Variants in PSMD1 observed in about 807,000 individuals in gnomAD.
PSMD1 encodes the protein 26S proteasome non-ATPase regulatory subunit 1.
In PSMD1, 18 loss-of-function variants were observed where a neutral mutation model predicts 119.0. The ratio of observed to expected loss-of-function variants is 0.15; its 90% CI spans 0.10 to 0.22. The LOEUF (loss-of-function observed/expected upper bound fraction) is 0.22, where lower values mean the gene tolerates loss of function less well. Among genes scored for constraint, PSMD1 ranks in the 10% least tolerant of loss-of-function variants. PSMD1 has a pLI of 1.00. For synonymous variants in PSMD1, 374 were observed against 396.6 expected, an observed-to-expected ratio of 0.94 and a Z score of 0.68; for missense variants, 702 against 1,158.5, an observed-to-expected ratio of 0.61 and a Z score of 5.72.
Position 231,083,601 on chromosome 2 carries a change from G to A in PSMD1, c.1560G>A (p.Met520Ile). 2 of 1,614,218 alleles carry A rather than the reference G, an allele frequency of 1.2e-6. No homozygotes were observed. Among genetic ancestry groups the A allele is most frequent in the Non-Finnish European group, 8.5e-7 (1 of 1,180,032 alleles). Reference sequence around the variant, plus strand: ...CTGGCCTGGCCCTAGGTTTGGTTATGTTGGGCTCTAAAAATGCTCAGGCTA... The same window carrying A: ...CTGGCCTGGCCCTAGGTTTGGTTATATTGGGCTCTAAAAATGCTCAGGCTA... ...EAAGLALGLV[M>I]LGSKNAQAIE... is the part of the protein sequence containing the mutation. Residue 520 changes from methionine to isoleucine, a missense_variant, in exon 14 of 25, where the codon ATG becomes ATA. By Grantham distance (10) the Met-to-Ile change is conservative (BLOSUM62 1). Transcript: ENST00000308696.
intron 16 of PSMD1, among the ~76,000 whole-genome samples, chr2:231,096,900 G>T (rs746059920): frequency 1.3e-5 from 2 of 152,214 alleles, no homozygotes; most frequent in Non-Finnish European, 2.9e-5. Flanking sequence ...ATGAGTTAGG[G>T]TGGAGCAGAT....
rs201933699 is a variant in PSMD1, at chr2:231,123,369, CAT to C, written c.1884-15365_1884-15364del. ...GAGTGTCCATTCTCTAATAGTATATCATAGTTCTGTGGTTTGATGGCACAAAC... is the reference window on the plus strand; with the variant it reads ...GAGTGTCCATTCTCTAATAGTATATCAGTTCTGTGGTTTGATGGCACAAAC... On this transcript the variant is annotated intron_variant, in intron 16 of 24. Coordinates refer to ENST00000308696, the MANE Select transcript of PSMD1 (RefSeq NM_002807.4). 2,172 of 1,340,210 alleles carry C rather than the reference CAT, an allele frequency of 1.6e-3. 35 individuals are homozygous for C. In the African/African-American group the frequency reaches 0.027, roughly 17 times the overall value. The allele number at this position is 1,340,210 out of a possible 1,614,324, so 83.0% of individuals were successfully genotyped here.
At chr2:231,125,963 T>A (rs1272823218) in intron 16 of PSMD1, among the ~76,000 whole-genome samples, 1 of 152,256 alleles carries the variant, frequency 6.6e-6, no homozygotes, top group Non-Finnish European at 1.5e-5. Context: ...GCTGAGCACT[T>A]CAGATTTTAT....
intron 16 of PSMD1, among the ~76,000 whole-genome samples, chr2:231,102,355 C>T (rs1329814783): frequency 2.0e-5 from 3 of 152,064 alleles, no homozygotes; most frequent in Non-Finnish European, 4.4e-5. Context: ...TTGAACAATA[C>T]GGGAGTTAGC....
At chr2:231,109,240 G>A (rs531633316) in intron 16 of PSMD1, 2 of 1,614,178 alleles carry the variant, frequency 1.2e-6, no homozygotes, top group East Asian at 2.2e-5. Flanking sequence ...GTAAAGCATG[G>A]ATAGTGAGAA....
chr2:231,144,960 CT>C (rs1696217910), intron 17 of PSMD1, among the ~76,000 whole-genome samples: 1 of 152,176 alleles, frequency 6.6e-6, no homozygotes, highest in Non-Finnish European at 1.5e-5. Flanking sequence ...CCCATTTTCT[CT>C]TAATTTTTTA....
intron 17 of PSMD1, among the ~76,000 whole-genome samples, chr2:231,145,729 C>G (rs937865469): frequency 4.0e-5 from 6 of 151,498 alleles, no homozygotes; most frequent in Non-Finnish European, 5.9e-5. Flanking sequence ...CCCATCTCTA[C>G]TAAAAATACA....
intron 7 of PSMD1, among the ~76,000 whole-genome samples, chr2:231,073,573 A>C (rs529171474): frequency 6.6e-6 from 1 of 152,118 alleles, no homozygotes; most frequent in South Asian, 2.1e-4. Flanking sequence ...GAATATCTTC[A>C]ATTTGGGGCA....
At chr2:231,139,654 C>A (rs1696059711) in intron 17 of PSMD1, among the ~76,000 whole-genome samples, 1 of 150,634 alleles carries the variant, frequency 6.6e-6, no homozygotes, top group South Asian at 2.1e-4. Flanking sequence ...GATTATGTTA[C>A]ATGTTTAATT....
rs749595168 is a variant in PSMD1 at position 231,061,261 on chromosome 2, T to A, written c.17-6T>A. ...TCATAATCATGTTACATCTTTTTTCTCATAGCTGGAATTATTTCTCTTCTG... is the reference window on the plus strand; with the variant it reads ...TCATAATCATGTTACATCTTTTTTCACATAGCTGGAATTATTTCTCTTCTG... On this transcript the variant is annotated splice_polypyrimidine_tract_variant and splice_region_variant and intron_variant, in intron 1 of 24. Coordinates refer to ENST00000308696, the MANE Select transcript of PSMD1 (RefSeq NM_002807.4). 5.0e-6 allele frequency: 8 copies of A among 1,586,444 alleles called. No homozygotes were observed. The highest frequency in any genetic ancestry group is 6.9e-6 in the Non-Finnish European group (8 of 1,158,762).
intron 4 of PSMD1, among the ~76,000 whole-genome samples, chr2:231,063,284 T>C (rs1011803307): frequency 2.0e-5 from 3 of 152,210 alleles, no homozygotes; most frequent in Non-Finnish European, 4.4e-5. Flanking sequence ...ACCAGAGTTG[T>C]AAATTCAACT....
At chr2:231,143,193 GGTTT>G (rs1696169321) in intron 17 of PSMD1, among the ~76,000 whole-genome samples, 1 of 1,078 alleles carries the variant, frequency 9.3e-4, no homozygotes, top group Admixed American at 0.014. Flanking sequence ...TTGTGGGTTT[GGTTT>G]GGTTTGGTTT....
chr2:231,057,560 G>C (rs1382850660), intron 1 of PSMD1, among the ~76,000 whole-genome samples: 4 of 152,210 alleles, frequency 2.6e-5, no homozygotes, highest in Non-Finnish European at 5.9e-5. Flanking sequence ...TTCTGGGTCC[G>C]ATCCAAGGGT....
At chr2:231,059,990 A>G (rs1263614029) in intron 1 of PSMD1, among the ~76,000 whole-genome samples, 5 of 152,244 alleles carry the variant, frequency 3.3e-5, no homozygotes, top group Non-Finnish European at 5.9e-5. Context: ...ATAAAAATCC[A>G]TCTCCCTTTT....
intron 17 of PSMD1, among the ~76,000 whole-genome samples, chr2:231,141,542 A>G (rs1401789604): frequency 6.7e-6 from 1 of 149,802 alleles, no homozygotes; most frequent in Non-Finnish European, 1.5e-5. Flanking sequence ...CAAGCCTCCC[A>G]ATTAGCTGGG....
chr2:231,100,453 G>T (rs537828155), intron 16 of PSMD1, among the ~76,000 whole-genome samples: 1 of 152,268 alleles, frequency 6.6e-6, no homozygotes, highest in Admixed American at 6.5e-5. Context: ...AGGAGTCAGG[G>T]CAGAGCAGGT....
Position 231,083,088 on chromosome 2 carries a change from A to G in PSMD1, c.1525+94A>G, listed in dbSNP as rs193174721. On this transcript the variant is annotated intron_variant, in intron 13 of 24. Transcript: ENST00000308696. The stretch of plus-strand genomic sequence containing the variant: ...TACCTATATTTTGTAGCCTCTTAAA[A>G]TTCCGATGGATTTCTCTAGTTGAAG... 5.5e-6 allele frequency: 5 copies of G among 912,726 alleles called. No individual in the cohort carries two copies. In the East Asian group the frequency reaches 1.1e-4, roughly 20 times the overall value. The allele number at this position is 912,726 out of a possible 1,614,324, so 56.5% of individuals were successfully genotyped here.
At position 231,123,403 on chromosome 2, in the gene PSMD1, A is replaced by T. The variant is rs748369327; in HGVS notation, c.1884-15333A>T. 11 of 1,597,878 alleles carry T rather than the reference A, an allele frequency of 6.9e-6. No individual in the cohort carries two copies. The South Asian group carries it at 1.1e-4, about 16-fold the overall frequency. On this transcript the variant is annotated intron_variant, in intron 16 of 24. Transcript: ENST00000308696. ...GTGGTTTGATGGCACAAACAAAGTG[A>T]AATACTTACCAAACATTATTGTCAA...
At chr2:231,068,566 A>G (rs750187333) in intron 5 of PSMD1, among the ~76,000 whole-genome samples, 1 of 152,160 alleles carries the variant, frequency 6.6e-6, no homozygotes, top group Non-Finnish European at 1.5e-5. Flanking sequence ...TCCGGAAATA[A>G]ACAATTCATG....
Sources: allele counts gnomAD v4.1 joint callset (sites outside exome capture counted in the v4.1 genomes callset), GRCh38; gene constraint gnomAD v4.1.1; transcripts MANE v1.5; gene names NCBI Gene and HGNC (gene_info 2026-07-23, HGNC 2026-07-21).